ASXL1: variants seen among roughly 807,000 people sequenced by gnomAD.
The protein encoded by ASXL1 is polycomb group protein ASXL1.
A neutral mutation model predicts 89.1 loss-of-function variants in ASXL1; 65 were observed. The observed-to-expected ratio is 0.73, with a 90% confidence interval of 0.60 to 0.90. ASXL1 has a LOEUF of 0.90. ASXL1 is among the 40% of genes least tolerant of loss of function. The pLI is 0.00. For synonymous variants in ASXL1, 739 were observed against 746.9 expected (o/e 0.99, Z 0.17); for missense variants, 1,786 against 1,942.9 (o/e 0.92, Z 1.52).
intron 6 of ASXL1, chr20:32,428,911 T>G (rs2011429088): frequency 3.1e-6 from 1 of 320,890 alleles, no homozygotes; most frequent in African/African-American, 2.2e-5. Flanking sequence ...TCTGTCCACC[T>G]CAGCCTCCCA....
chr20:32,434,083 C>G, intron 12 of ASXL1, 166 bp downstream of exon 12: 1 of 989,686 alleles, frequency 1.0e-6, no homozygotes, highest in Non-Finnish European at 1.5e-6. Context: ...GAGATAGGTT[C>G]TTTTCTTCCT....
intron 4 of ASXL1, among the ~76,000 whole-genome samples, chr20:32,414,430 G>T (rs2049102051): frequency 6.6e-6 from 1 of 150,716 alleles, no homozygotes; most frequent in African/African-American, 2.4e-5. Context: ...AAATATTCTG[G>T]CTGAGCTGTA....
intron 3 of ASXL1, among the ~76,000 whole-genome samples, chr20:32,368,110 A>ATTTTT (rs2048236734): frequency 6.6e-6 from 1 of 152,180 alleles, no homozygotes; most frequent in South Asian, 2.1e-4. Context: ...TGAAAAATGC[A>ATTTTT]AAGAGGCTTA....
At chr20:32,367,774 T>G (rs1238344986) in intron 3 of ASXL1, 45 bp downstream of exon 3, 1 of 780,388 alleles carries the variant, frequency 1.3e-6, no homozygotes, top group African/African-American at 1.7e-5. Context: ...AACCTTAACT[T>G]GTTTCTGCTT....
intron 4 of ASXL1, among the ~76,000 whole-genome samples, chr20:32,415,161 A>G (rs2049116723): frequency 6.6e-6 from 1 of 152,062 alleles, no homozygotes; most frequent in Non-Finnish European, 1.5e-5. Flanking sequence ...GGTGCCCGCC[A>G]TCACCCCTGG....
At chr20:32,371,696 C>T (rs1198595268) in intron 4 of ASXL1, 2 of 412,596 alleles carry the variant, frequency 4.8e-6, no homozygotes, top group African/African-American at 4.2e-5. Context: ...GCCTTGAACT[C>T]CTGGGCTCAA....
At chr20:32,399,725 T>A (rs546286082) in intron 4 of ASXL1, among the ~76,000 whole-genome samples, 34 of 150,880 alleles carry the variant, frequency 2.3e-4, no homozygotes, top group South Asian at 1.0e-3. Flanking sequence ...TTAGCATTTT[T>A]AAAAATCTCA....
intron 4 of ASXL1, among the ~76,000 whole-genome samples, chr20:32,411,366 T>C (rs1379492141): frequency 6.6e-6 from 1 of 150,992 alleles, no homozygotes; most frequent in Non-Finnish European, 1.5e-5. Context: ...TAGCTGGGGT[T>C]ACAGGTGCCT....
In ASXL1 at chr20:32,429,553, G is replaced by C; in HGVS notation, c.565+122G>C. ...GAGAGCTGTCGGGCCACAGGCAAGA[G>C]CCCTGCCAATGGATGAGGCCTGCCA... On this transcript the variant is annotated intron_variant, in intron 7 of 12. Coordinates refer to ENST00000375687, the MANE Select transcript of ASXL1 (RefSeq NM_015338.6). The surrounding 1 kb of genome is among the most constrained non-coding windows in gnomAD (Gnocchi z 4.9). 2.8e-6 allele frequency: 3 copies of C among 1,063,796 alleles called. No individual in the cohort carries two copies. 65.9% of individuals were successfully genotyped at this position (1,063,796 alleles called of 1,614,324 possible). A position where few individuals can be genotyped will look rare whatever the true frequency, so the allele number is the denominator to read the frequency against.
At position 32,436,955 on chromosome 20, in the gene ASXL1, C is replaced by G. The variant is rs754129466; in HGVS notation, c.4243C>G (p.Arg1415Gly). 7.4e-5 allele frequency: 120 copies of G among 1,614,018 alleles called. No homozygotes were observed. The South Asian group carries it at 1.1e-3, about 15-fold the overall frequency. The change falls in exon 13 of 13, where the codon CGA (arginine) becomes GGA (glycine). Residue 1415 changes from arginine (R) to glycine (G), a missense_variant. Arg to Gly is a moderately radical substitution (Grantham distance 125, BLOSUM62 -2). Coordinates refer to ENST00000375687, the MANE Select transcript of ASXL1 (RefSeq NM_015338.6). ...VMDLPFWKLP[R>G]EPGKGLSEPL... The stretch of plus-strand genomic sequence containing the variant: ...GGACTTGCCCTTCTGGAAATTACCC[C>G]GAGAGCCAGGGAAGGGGCTCAGTGA...
intron 4 of ASXL1, among the ~76,000 whole-genome samples, chr20:32,426,331 G>A (rs1457220734): frequency 6.6e-6 from 1 of 151,964 alleles, no homozygotes; most frequent in East Asian, 1.9e-4. Flanking sequence ...CTGGAGATTT[G>A]GGGTAACTTT....
chr20:32,358,855 G>T lies in ASXL1; in HGVS notation c.57+23G>T, dbSNP rs1264069692. On this transcript the variant is annotated intron_variant, in intron 1 of 12. Coordinates refer to ENST00000375687, the MANE Select transcript of ASXL1 (RefSeq NM_015338.6). ...CTGGTGAGGCGGACAGCCGAGGGGG[G>T]CTCCGTGGGGCCCGGGGTGGGGGGG... 21 of 1,496,762 alleles carry T rather than the reference G, an allele frequency of 1.4e-5. No individual in the cohort carries two copies. In the East Asian group the frequency reaches 5.0e-4, roughly 36 times the overall value. 92.7% of individuals were successfully genotyped at this position (1,496,762 alleles called of 1,614,324 possible). A position where few individuals can be genotyped will look rare whatever the true frequency, so the allele number is the denominator to read the frequency against.
chr20:32,359,742 A>C, intron 1 of ASXL1: 1 of 718,174 alleles, frequency 1.4e-6, no homozygotes, highest in Non-Finnish European at 2.6e-6. Flanking sequence ...CGTCTCGTTC[A>C]ACCGATGGGG....
chr20:32,368,274 G>A (rs1423298355), intron 3 of ASXL1, among the ~76,000 whole-genome samples: 3 of 152,180 alleles, frequency 2.0e-5, no homozygotes, highest in Non-Finnish European at 2.9e-5. Flanking sequence ...TAAAGATTCA[G>A]TAAGTAGCAT....
At chr20:32,390,719 C>A (rs2048656089) in intron 4 of ASXL1, among the ~76,000 whole-genome samples, 1 of 152,042 alleles carries the variant, frequency 6.6e-6, no homozygotes, top group Admixed American at 6.6e-5. Flanking sequence ...TCTTTTTTCA[C>A]CCCCAGCTCC....
Position 32,437,014 on chromosome 20 carries a change from C to A in ASXL1, c.4302C>A (p.Leu1434=), listed in dbSNP as rs1425566179. 3 of 1,614,122 alleles carry A rather than the reference C, an allele frequency of 1.9e-6. No homozygotes were observed. In the Admixed American group the frequency reaches 5.0e-5, roughly 27 times the overall value. Residue 1434 remains leucine, a synonymous_variant, in exon 13 of 13, where the codon CTC becomes CTA. Transcript: ENST00000375687. Reference sequence around the variant, plus strand: ...AGCCTTCTTCTCTCCCCTCCCAACTCAGCATCAAGCAGGCATTTTATGGGA... The same window carrying A: ...AGCCTTCTTCTCTCCCCTCCCAACTAAGCATCAAGCAGGCATTTTATGGGA... ...PLEPSSLPSQ[L]SIKQAFYGKL...
rs200471411 is a variant in ASXL1, at chr20:32,435,670, C to T, written c.2958C>T (p.Asn986=). The T allele has an allele frequency of 3.6e-5, 58 of 1,614,170 alleles. 1 individual carries two copies. Among genetic ancestry groups the T allele is most frequent in the South Asian group, 2.2e-5 (2 of 91,080 alleles). The change falls in exon 13 of 13, where the codon AAC becomes AAT. Residue 986 remains asparagine, a synonymous_variant. Coordinates refer to ENST00000375687, the MANE Select transcript of ASXL1 (RefSeq NM_015338.6). Reference sequence around the variant, plus strand: ...TGGACATTGAAAAGCTGAAAATCAACGGAGACTCTGAAGCACTGAGTCCTC... The same window carrying T: ...TGGACATTGAAAAGCTGAAAATCAATGGAGACTCTGAAGCACTGAGTCCTC... ...QQVDIEKLKI[N]GDSEALSPHG... is the part of the protein sequence containing the mutation.
chr20:32,424,917 G>A (rs1340189723), intron 4 of ASXL1, among the ~76,000 whole-genome samples: 1 of 152,102 alleles, frequency 6.6e-6, no homozygotes. Flanking sequence ...ATCAAATATG[G>A]CCAGCAGCCA....
chr20:32,381,554 G>A (rs530047332), intron 4 of ASXL1, among the ~76,000 whole-genome samples: 128 of 138,394 alleles, frequency 9.2e-4, no homozygotes, highest in Middle Eastern at 8.8e-3. Context: ...TCGCTGTGTC[G>A]CCCAGGCTGG....
Sources: allele counts gnomAD v4.1 joint callset (sites outside exome capture counted in the v4.1 genomes callset), GRCh38; gene constraint gnomAD v4.1.1; non-coding constraint Gnocchi (gnomAD v3.1); transcripts MANE v1.5; gene names NCBI Gene and HGNC (gene_info 2026-07-23, HGNC 2026-07-21).